Variants in HYDIN observed in about 807,000 individuals in gnomAD.
HYDIN encodes the protein HYDIN axonemal central pair apparatus protein, also known as axonemal central pair apparatus protein HYDIN.
A neutral mutation model predicts 403.9 loss-of-function variants in HYDIN; 132 were observed. That is an observed-to-expected ratio of 0.33 (90% CI 0.28 to 0.38). The LOEUF (loss-of-function observed/expected upper bound fraction) is 0.38, where lower values mean the gene tolerates loss of function less well. HYDIN is among the 10% of genes least tolerant of loss of function. The pLI, the probability that HYDIN is intolerant of heterozygous loss-of-function variation, is 1.00. For missense variants in HYDIN, 2,827 were observed against 5,009.5 expected (o/e 0.56, Z 13.15); for synonymous variants, 1,202 against 1,891.7 (o/e 0.64, Z 9.46).
At chr16:70,946,213 T>G (rs1025309216) in intron 41 of HYDIN, among the ~76,000 whole-genome samples, 3 of 142,670 alleles carry the variant, frequency 2.1e-5, no homozygotes, top group Non-Finnish European at 4.6e-5. Flanking sequence ...GCCCTGTGTG[T>G]GGATGGAGGC....
intron 11 of HYDIN, among the ~76,000 whole-genome samples, chr16:71,089,293 G>A (rs2083033118): frequency 6.6e-6 from 1 of 152,138 alleles, no homozygotes; most frequent in African/African-American, 2.4e-5. Context: ...TCAGTCTACT[G>A]TCCCTACAAT....
rs1229962093 is a variant in HYDIN, at chr16:71,096,344, G to A, written c.1328-2409C>T. Among the ~76,000 whole-genome samples the A allele has an allele frequency of 1.2e-4, 18 of 152,160 alleles. No homozygotes were observed. The East Asian group carries it at 3.5e-3, about 29-fold the overall frequency. Reference sequence around the variant, plus strand: ...TTTTACTATAATGTTCCTAGGCATGGTTGCATTTATCCTTTCAGGGGCTTG... The same window carrying A: ...TTTTACTATAATGTTCCTAGGCATGATTGCATTTATCCTTTCAGGGGCTTG... On this transcript the variant is annotated intron_variant, in intron 10 of 85. Coordinates refer to ENST00000393567, the MANE Select transcript of HYDIN (RefSeq NM_001270974.2).
intron 17 of HYDIN, 101 bp downstream of exon 17, chr16:71,062,068 G>A: frequency 1.0e-6 from 1 of 975,616 alleles, no homozygotes; most frequent in East Asian, 2.5e-5. Context: ...CCAAGCAACT[G>A]GGGTGTATGT....
intron 18 of HYDIN, among the ~76,000 whole-genome samples, chr16:71,039,696 C>T (rs1190244620): frequency 6.6e-6 from 1 of 152,196 alleles, no homozygotes; most frequent in African/African-American, 2.4e-5. Flanking sequence ...CACCTACCTG[C>T]CTCATCTCCT....
intron 55 of HYDIN, chr16:70,893,903 A>G (rs1219815517): frequency 2.6e-5 from 4 of 154,070 alleles, no homozygotes; most frequent in African/African-American, 9.6e-5. Context: ...GGATTGTACA[A>G]TATCATGATT....
At chr16:71,186,641 T>A (rs2087164895) in intron 2 of HYDIN, 120 bp downstream of exon 2, 1 of 793,732 alleles carries the variant, frequency 1.3e-6, no homozygotes, top group Admixed American at 2.7e-5. Context: ...CCATTATAAC[T>A]AAATTGATAT....
Position 70,826,705 on chromosome 16 carries a change from ATCTCTCTCTCTCTCTCTC to A in HYDIN, c.14427+538_14427+555del, listed in dbSNP as rs3043151. On this transcript the variant is annotated intron_variant, in intron 83 of 85. Transcript: ENST00000393567. ...ACACTGCTGGATGCGTCTTGCCAGC[ATCTCTCTCTCTCTCTCTC>A]TCTCTCTCTCTCTCTCTCTCTCTGT... Among the ~76,000 whole-genome samples the A allele has an allele frequency of 1.9e-4, 24 of 129,084 alleles. 1 individual carries two copies. Among genetic ancestry groups the A allele is most frequent in the African/African-American group, 6.8e-4 (19 of 28,110 alleles). The allele number at this position is 129,084 out of a possible 152,430, so 84.7% of individuals were successfully genotyped here.
At chr16:70,854,188 A>G (rs1363820580) in intron 73 of HYDIN, among the ~76,000 whole-genome samples, 2 of 151,942 alleles carry the variant, frequency 1.3e-5, no homozygotes, top group Non-Finnish European at 1.5e-5. Context: ...CAGTCTTCCT[A>G]TTATTTCTTA....
In HYDIN at chr16:70,920,624, G is replaced by C; in HGVS notation, c.7752C>G (p.Ala2584=). The change falls in exon 46 of 86, where the codon GCC becomes GCG. Residue 2584 remains alanine, a synonymous_variant. Coordinates refer to ENST00000393567, the MANE Select transcript of HYDIN (RefSeq NM_001270974.2). ...CTTTGGGAAGCTTGTCGCTCTCTAGGGCCTGCTTCCAGCTCAAGCCTTCAA... is the reference window on the plus strand; with the variant it reads ...CTTTGGGAAGCTTGTCGCTCTCTAGCGCCTGCTTCCAGCTCAAGCCTTCAA... The part of the protein sequence containing the change: ...PDFEGLSWKQ[A]LESDKLPKGE... 1 of 1,613,834 alleles carries C rather than the reference G, an allele frequency of 6.2e-7. No homozygotes were observed. Among genetic ancestry groups the C allele is most frequent in the South Asian group, 1.1e-5 (1 of 91,002 alleles).
intron 1 of HYDIN, among the ~76,000 whole-genome samples, chr16:71,211,005 C>A (rs1429626393): frequency 6.6e-6 from 1 of 151,626 alleles, no homozygotes; most frequent in African/African-American, 2.4e-5. Context: ...TATAACATGA[C>A]ATAAGAAATA....
Position 70,857,686 on chromosome 16 carries a change from AC to A in HYDIN, c.12295+18del, listed in dbSNP as rs1406680541. On this transcript the variant is annotated intron_variant, in intron 72 of 85. Coordinates refer to ENST00000393567, the MANE Select transcript of HYDIN (RefSeq NM_001270974.2). ...CAGATCATGCCAACTCTAAATACAT[AC>A]CATCAGGACAGCCTTACCAATGAGG... 1 of 1,401,414 alleles carries A rather than the reference AC, an allele frequency of 7.1e-7. No homozygotes were observed. The highest frequency in any genetic ancestry group is 9.7e-7 in the Non-Finnish European group (1 of 1,034,098). The allele number at this position is 1,401,414 out of a possible 1,614,324, so 86.8% of individuals were successfully genotyped here.
chr16:71,183,473 C>A (rs1182986696), intron 3 of HYDIN, among the ~76,000 whole-genome samples: 8 of 152,030 alleles, frequency 5.3e-5, no homozygotes, highest in Admixed American at 5.2e-4. Context: ...TGTAGTGTAT[C>A]CTAATACTGA....
chr16:71,186,821 T>G lies in HYDIN; in HGVS notation c.75A>C (p.Gln25His), dbSNP rs1456187503. 2 of 1,613,530 alleles carry G rather than the reference T, an allele frequency of 1.2e-6. No individual in the cohort carries two copies. Among genetic ancestry groups the G allele is most frequent in the South Asian group, 2.2e-5 (2 of 91,058 alleles). Reference protein sequence around the residue: ...MGLVNMFKGFQSKVLPPLSPK... With the variant: ...MGLVNMFKGFHSKVLPPLSPK... ...GACTCAGGGGTGGCAAAACCTTGCTTTGAAATCCTTTGAACATATTGACCA... is the reference window on the plus strand; with the variant it reads ...GACTCAGGGGTGGCAAAACCTTGCTGTGAAATCCTTTGAACATATTGACCA... The change falls in exon 2 of 86, where the codon CAA (glutamine) becomes CAC (histidine). Residue 25 changes from glutamine (Q) to histidine (H), a missense_variant. Coordinates refer to ENST00000393567, the MANE Select transcript of HYDIN (RefSeq NM_001270974.2).
At chr16:71,071,688 G>T (rs2082471481) in intron 13 of HYDIN, among the ~76,000 whole-genome samples, 1 of 151,902 alleles carries the variant, frequency 6.6e-6, no homozygotes, top group South Asian at 2.1e-4. Flanking sequence ...AAGACTAGCA[G>T]AAACTAGCAG....
intron 18 of HYDIN, among the ~76,000 whole-genome samples, chr16:71,037,313 C>G (rs374040010): frequency 6.8e-6 from 1 of 147,338 alleles, no homozygotes; most frequent in African/African-American, 2.5e-5. Context: ...ATACAATTAT[C>G]AGCTCAAAAC....
At chr16:71,152,427 C>T (rs996185837) in intron 7 of HYDIN, among the ~76,000 whole-genome samples, 9 of 149,812 alleles carry the variant, frequency 6.0e-5, no homozygotes, top group Non-Finnish European at 1.3e-4. Flanking sequence ...TAAGTTCTTT[C>T]GTAGTGATTT....
At chr16:70,910,154 G>C (rs1442792616) in intron 47 of HYDIN, among the ~76,000 whole-genome samples, 1 of 151,742 alleles carries the variant, frequency 6.6e-6, no homozygotes, top group African/African-American at 2.4e-5. Flanking sequence ...AAGTTTTCTG[G>C]TGGCGATTTG....
chr16:71,145,310 A>G (rs2085325589), intron 7 of HYDIN, among the ~76,000 whole-genome samples: 1 of 149,504 alleles, frequency 6.7e-6, no homozygotes, highest in Non-Finnish European at 1.5e-5. Flanking sequence ...GCTGGAGTGT[A>G]GTGGCACGAT....
At chr16:71,083,641 G>A (rs1400419036) in intron 12 of HYDIN, among the ~76,000 whole-genome samples, 2 of 150,220 alleles carry the variant, frequency 1.3e-5, no homozygotes, top group Non-Finnish European at 3.0e-5. Context: ...TGTTGTTTCA[G>A]TTACTTATGG....
Sources: allele counts gnomAD v4.1 joint callset (sites outside exome capture counted in the v4.1 genomes callset), GRCh38; gene constraint gnomAD v4.1.1; transcripts MANE v1.5; gene names NCBI Gene and HGNC (gene_info 2026-07-23, HGNC 2026-07-21).